The following MYOM2 variants were observed in gnomAD, a reference collection of about 807,000 sequenced individuals.
The protein encoded by MYOM2 is myomesin 2, also known as myomesin-2.
Under a neutral mutation model 187.6 loss-of-function variants are expected in MYOM2, and 254 were observed. The ratio of observed to expected loss-of-function variants is 1.35; its 90% confidence interval spans 1.22 to 1.50. MYOM2 has a LOEUF of 1.50. MYOM2 is among the 40% of genes most tolerant of loss of function. The probability of loss-of-function intolerance (pLI) is 0.00; values close to 1 mark genes in which losing one functional copy is unlikely to be tolerated. For synonymous variants in MYOM2, 981 were observed against 753.8 expected, an observed-to-expected ratio of 1.30 and a Z score of -4.94; for missense variants, 2,796 against 1,924.0, an observed-to-expected ratio of 1.45 and a Z score of -8.48.
chr8:2,140,030 T>A (rs1266014017), intron 32 of MYOM2, among the ~76,000 whole-genome samples: 2 of 152,020 alleles, frequency 1.3e-5, no homozygotes, highest in East Asian at 3.9e-4. Context: ...CTTTTCATCC[T>A]CCCACCCGAA....
At chr8:2,080,785 C>T (rs1406741174) in intron 13 of MYOM2, among the ~76,000 whole-genome samples, 1 of 152,254 alleles carries the variant, frequency 6.6e-6, no homozygotes, top group Non-Finnish European at 1.5e-5. Context: ...TTGAGGCCGA[C>T]GAGCCCGTGT....
At chr8:2,078,653 G>C in intron 11 of MYOM2, 81 bp from the exon 12 acceptor site, 1 of 1,231,732 alleles carries the variant, frequency 8.1e-7, no homozygotes, top group South Asian at 1.2e-5. Flanking sequence ...ATCAGTGTGT[G>C]CATATATGCA....
intron 32 of MYOM2, among the ~76,000 whole-genome samples, chr8:2,139,302 C>T (rs866670938): frequency 4.6e-5 from 7 of 152,006 alleles, no homozygotes; most frequent in East Asian, 1.9e-4. Context: ...CCACCACACC[C>T]GGCTAATTTT....
At chr8:2,063,082 C>A (rs538561745) in intron 6 of MYOM2, among the ~76,000 whole-genome samples, 1 of 152,334 alleles carries the variant, frequency 6.6e-6, no homozygotes, top group Non-Finnish European at 1.5e-5. Flanking sequence ...GAAAAGGAAA[C>A]TTCCAAGACC....
chr8:2,141,763 T>C (rs755412290), intron 34 of MYOM2, among the ~76,000 whole-genome samples: 4 of 152,208 alleles, frequency 2.6e-5, no homozygotes, highest in Non-Finnish European at 4.4e-5. Flanking sequence ...CTTAAGCTGA[T>C]GTTTTTGGGC....
chr8:2,104,965 A>G (rs1040180808), intron 21 of MYOM2, among the ~76,000 whole-genome samples: 1 of 152,206 alleles, frequency 6.6e-6, no homozygotes, highest in Non-Finnish European at 1.5e-5. Flanking sequence ...TTTTATAGAG[A>G]CAGGATCTCA....
intron 9 of MYOM2, 66 bp from the exon 10 acceptor site, chr8:2,073,273 C>T: frequency 5.2e-6 from 8 of 1,538,482 alleles, no homozygotes; most frequent in Non-Finnish European, 7.1e-6. Flanking sequence ...CGCTGGTGTC[C>T]CCGAGGCTTT....
chr8:2,114,750 G>T (rs1797182109), intron 25 of MYOM2, among the ~76,000 whole-genome samples: 1 of 152,166 alleles, frequency 6.6e-6, no homozygotes, highest in Non-Finnish European at 1.5e-5. Context: ...GATTACAGGT[G>T]TGAGCCACTG....
intron 10 of MYOM2, among the ~76,000 whole-genome samples, chr8:2,075,598 A>G (rs115760399): frequency 0.011 from 1,734 of 152,330 alleles, 39 homozygotes; most frequent in African/African-American, 0.04. Flanking sequence ...TTAACTTTCT[A>G]TGTTGCTCTG....
chr8:2,134,193 G>T (rs772535966), intron 32 of MYOM2, among the ~76,000 whole-genome samples: 1 of 152,142 alleles, frequency 6.6e-6, no homozygotes, highest in African/African-American at 2.4e-5. Context: ...CAGGTCCCAT[G>T]TTGTGATTAG....
intron 18 of MYOM2, among the ~76,000 whole-genome samples, chr8:2,096,714 G>A (rs1055868971): frequency 2.6e-5 from 4 of 152,176 alleles, no homozygotes; most frequent in Admixed American, 2.0e-4. Context: ...CAGTACCTGT[G>A]GTAATGTCCC....
At chr8:2,120,892 T>C (rs1349273228) in intron 28 of MYOM2, among the ~76,000 whole-genome samples, 3 of 151,060 alleles carry the variant, frequency 2.0e-5, no homozygotes, top group Non-Finnish European at 2.9e-5. Context: ...AAATTTATTA[T>C]AGAAAAATAC....
At position 2,106,544 on chromosome 8, in the gene MYOM2, T is replaced by C. The variant is rs754812111; in HGVS notation, c.2945T>C (p.Val982Ala). Residue 982 changes from valine (V) to alanine (A), a missense_variant, in exon 23 of 37, where the codon GTG becomes GCG. Transcript: ENST00000262113. ...AAGGAGGATTTAGGGACTTACTCCG[T>C]GTCTGTAAGTGATACAGACGGAGTG... ...PDKEDLGTYS[V>A]SVSDTDGVSS... The C allele has an allele frequency of 1.3e-5, 21 of 1,612,122 alleles. No homozygotes were observed. In the Admixed American group the frequency reaches 2.2e-4, roughly 17 times the overall value.
chr8:2,075,507 C>A (rs1015213694), intron 10 of MYOM2, among the ~76,000 whole-genome samples: 1 of 152,116 alleles, frequency 6.6e-6, no homozygotes, highest in African/African-American at 2.4e-5. Context: ...ATAGTGCTCA[C>A]CCTGCTAAGC....
intron 6 of MYOM2, among the ~76,000 whole-genome samples, chr8:2,068,515 C>A (rs1489106469): frequency 6.6e-6 from 1 of 150,556 alleles, no homozygotes; most frequent in Non-Finnish European, 1.5e-5. Flanking sequence ...AGGCAGAGAG[C>A]ATCCTGGGTA....
At position 2,090,054 on chromosome 8, in the gene MYOM2, C is replaced by T. The variant is rs747703242; in HGVS notation, c.1691C>T (p.Ala564Val). The T allele has an allele frequency of 7.4e-6, 12 of 1,613,972 alleles. No individual in the cohort carries two copies. The highest frequency in any genetic ancestry group is 5.0e-5 in the Admixed American group (3 of 59,998). Residue 564 changes from alanine to valine, a missense_variant, in exon 15 of 37, where the codon GCT (alanine) becomes GTT (valine). Physicochemically the swap from Ala to Val is moderately conservative, Grantham distance 64. Coordinates refer to ENST00000262113, the MANE Select transcript of MYOM2 (RefSeq NM_003970.4). ...GSWQRVNAQT[A>V]VRSPRYAVFD... Reference sequence around the variant, plus strand: ...TGGCAGAGAGTCAACGCCCAGACGGCTGTGAGATCCCCGAGATATGCCGTG... The same window carrying T: ...TGGCAGAGAGTCAACGCCCAGACGGTTGTGAGATCCCCGAGATATGCCGTG...
chr8:2,074,524 G>A (rs776891423), intron 10 of MYOM2, among the ~76,000 whole-genome samples: 19 of 151,968 alleles, frequency 1.3e-4, no homozygotes, highest in Non-Finnish European at 2.6e-4. Context: ...GCGCGACCTC[G>A]GCTCACTGCA....
intron 14 of MYOM2, 77 bp downstream of exon 14, chr8:2,085,467 C>G: frequency 1.3e-6 from 2 of 1,521,994 alleles, no homozygotes; most frequent in South Asian, 2.5e-5. Context: ...CGTGGCCCAC[C>G]GCTGTCGTGA....
intron 32 of MYOM2, among the ~76,000 whole-genome samples, chr8:2,130,096 C>G (rs1333338399): frequency 6.6e-6 from 1 of 151,746 alleles, no homozygotes; most frequent in Non-Finnish European, 1.5e-5. Flanking sequence ...GGCGCCCACA[C>G]CCCGCCTTTA....
Sources: allele counts gnomAD v4.1 joint callset (sites outside exome capture counted in the v4.1 genomes callset), GRCh38; gene constraint gnomAD v4.1.1; transcripts MANE v1.5; gene names NCBI Gene and HGNC (gene_info 2026-07-23, HGNC 2026-07-21).